The following ZNF804B variants were observed in gnomAD, a reference collection of about 807,000 sequenced individuals.
ZNF804B encodes zinc finger 804B.
ZNF804B carries 80 observed loss-of-function variants against 101.4 expected under a neutral mutation model. That is an observed-to-expected ratio of 0.79 (90% CI 0.66 to 0.95). ZNF804B has a LOEUF of 0.95. Among genes scored for constraint, ZNF804B ranks in the 40% least tolerant of loss-of-function variants. The pLI, the probability that ZNF804B is intolerant of heterozygous loss-of-function variation, is 0.00. For synonymous variants in ZNF804B, 622 were observed against 558.8 expected (o/e 1.11, Z -1.59); for missense variants, 1,673 against 1,561.9 (o/e 1.07, Z -1.20).
intron 2 of ZNF804B, among the ~76,000 whole-genome samples, chr7:89,269,601 A>T (rs1789852035): frequency 6.6e-6 from 1 of 152,166 alleles, no homozygotes; most frequent in African/African-American, 2.4e-5. Context: ...GCTGGGTCAA[A>T]TGGTATTTCT....
chr7:89,009,375 C>T (rs1762581601), intron 1 of ZNF804B, among the ~76,000 whole-genome samples: 1 of 152,138 alleles, frequency 6.6e-6, no homozygotes, highest in South Asian at 2.1e-4. Flanking sequence ...TTCTCAATTT[C>T]AATCACATAA....
chr7:88,971,893 A>G (rs1437367897), intron 1 of ZNF804B, among the ~76,000 whole-genome samples: 2 of 151,490 alleles, frequency 1.3e-5, no homozygotes, highest in African/African-American at 2.4e-5. Flanking sequence ...AGTGGAAGAG[A>G]TTAAGTAGGA....
At chr7:88,994,072 ATTC>A (rs1203230708) in intron 1 of ZNF804B, among the ~76,000 whole-genome samples, 2 of 152,048 alleles carry the variant, frequency 1.3e-5, no homozygotes, top group East Asian at 3.9e-4. Context: ...TTCCTTATTG[ATTC>A]TTCATCTTAC....
chr7:88,857,851 T>TTTTTTG (rs1791594147), intron 1 of ZNF804B, among the ~76,000 whole-genome samples: 1 of 135,020 alleles, frequency 7.4e-6, no homozygotes, highest in Non-Finnish European at 1.5e-5. Flanking sequence ...TTTTTTTTTT[T>TTTTTTG]GTCACTGCTG....
chr7:88,927,422 A>C (rs1792821848), intron 1 of ZNF804B, among the ~76,000 whole-genome samples: 1 of 152,188 alleles, frequency 6.6e-6, no homozygotes, highest in Non-Finnish European at 1.5e-5. Flanking sequence ...AAACACATGA[A>C]GAGAAACATC....
At chr7:89,244,964 T>C (rs1354780187) in intron 2 of ZNF804B, among the ~76,000 whole-genome samples, 1 of 152,158 alleles carries the variant, frequency 6.6e-6, no homozygotes. Context: ...GAGGCAAATG[T>C]TTCCTAGAGG....
At chr7:89,032,651 G>A (rs897217991) in intron 1 of ZNF804B, among the ~76,000 whole-genome samples, 2 of 152,090 alleles carry the variant, frequency 1.3e-5, no homozygotes, top group African/African-American at 2.4e-5. Context: ...ATTGGTGAAG[G>A]CACAGGGGCT....
At chr7:89,066,412 G>GA (rs1789455736) in intron 1 of ZNF804B, among the ~76,000 whole-genome samples, 1 of 152,022 alleles carries the variant, frequency 6.6e-6, no homozygotes, top group South Asian at 2.1e-4. Flanking sequence ...TAAGTATATA[G>GA]GGAGTGGAGG....
chr7:88,934,998 G>T (rs953164109), intron 1 of ZNF804B, among the ~76,000 whole-genome samples: 1 of 151,144 alleles, frequency 6.6e-6, no homozygotes, highest in Admixed American at 6.6e-5. Context: ...AAACAGAGTG[G>T]GTAAAGAAAA....
At chr7:89,004,938 G>GA (rs1788350247) in intron 1 of ZNF804B, among the ~76,000 whole-genome samples, 1 of 151,790 alleles carries the variant, frequency 6.6e-6, no homozygotes, top group Admixed American at 6.6e-5. Context: ...TCAGATTTCT[G>GA]AAAACTTCCT....
intron 1 of ZNF804B, among the ~76,000 whole-genome samples, chr7:89,006,233 A>T (rs1396830930): frequency 6.6e-6 from 1 of 152,028 alleles, no homozygotes; most frequent in Non-Finnish European, 1.5e-5. Context: ...TATAATCCAG[A>T]GACATCTCAA....
chr7:89,061,200 A>G (rs1386387706), intron 1 of ZNF804B, among the ~76,000 whole-genome samples: 1 of 152,146 alleles, frequency 6.6e-6, no homozygotes, highest in East Asian at 1.9e-4. Context: ...TAGCCTATAA[A>G]GTGTTCTGTT....
At chr7:89,147,214 A>G (rs756136693) in intron 1 of ZNF804B, among the ~76,000 whole-genome samples, 2 of 151,890 alleles carry the variant, frequency 1.3e-5, no homozygotes, top group Non-Finnish European at 2.9e-5. Flanking sequence ...AGCAGTCCTT[A>G]AAAACATCTG....
chr7:89,329,371 C>T (rs1790943848), intron 3 of ZNF804B, among the ~76,000 whole-genome samples: 1 of 151,718 alleles, frequency 6.6e-6, no homozygotes, highest in African/African-American at 2.4e-5. Context: ...TTATTAAATA[C>T]TTTATTTTAG....
At chr7:88,773,233 A>G (rs1790095189) in intron 1 of ZNF804B, among the ~76,000 whole-genome samples, 1 of 152,216 alleles carries the variant, frequency 6.6e-6, no homozygotes, top group Non-Finnish European at 1.5e-5. Flanking sequence ...AAGCACAAGA[A>G]ATTTTCCCCT....
intron 1 of ZNF804B, among the ~76,000 whole-genome samples, chr7:89,031,428 G>T (rs1788832459): frequency 6.6e-6 from 1 of 151,826 alleles, no homozygotes; most frequent in Admixed American, 6.6e-5. Flanking sequence ...AGCTATTTAA[G>T]AACAGGGAAC....
intron 1 of ZNF804B, among the ~76,000 whole-genome samples, chr7:88,970,651 T>G (rs1001223780): frequency 5.9e-5 from 9 of 151,306 alleles, no homozygotes; most frequent in Non-Finnish European, 7.4e-5. Flanking sequence ...CCACTGCCTG[T>G]TTCTGTAAAT....
At chr7:88,876,098 A>T (rs1791934979) in intron 1 of ZNF804B, among the ~76,000 whole-genome samples, 1 of 152,264 alleles carries the variant, frequency 6.6e-6, no homozygotes, top group Admixed American at 6.5e-5. Flanking sequence ...CTCTTCTCGG[A>T]GGAATTGCTT....
At chr7:89,128,368 TA>T (rs1790503516) in intron 1 of ZNF804B, among the ~76,000 whole-genome samples, 1 of 151,998 alleles carries the variant, frequency 6.6e-6, no homozygotes, top group African/African-American at 2.4e-5. Context: ...ATATATACTT[TA>T]AAACATAGTA....
Sources: gnomAD v4.1 joint callset for allele counts (sites outside exome capture counted in the v4.1 genomes callset) on GRCh38, gnomAD v4.1.1 for gene constraint, MANE v1.5 for transcripts, NCBI Gene and HGNC (gene_info 2026-07-23, HGNC 2026-07-21) for gene names.